Variants in LARGE1 observed in about 807,000 individuals in gnomAD.
The protein encoded by LARGE1 is LARGE xylosyl- and glucuronyltransferase 1, also known as xylosyl- and glucuronyltransferase LARGE1.
A neutral mutation model predicts 87.6 loss-of-function variants in LARGE1; 43 were observed. The ratio of observed to expected loss-of-function variants is 0.49; its 90% CI spans 0.38 to 0.63. LARGE1 has a LOEUF of 0.63. LARGE1 is among the 30% of genes least tolerant of loss of function. The probability of loss-of-function intolerance (pLI) is 0.00; values close to 1 mark genes in which losing one functional copy is unlikely to be tolerated. For missense variants in LARGE1, 802 were observed against 1,000.2 expected, an observed-to-expected ratio of 0.80 and a Z score of 2.67; for synonymous variants, 434 against 394.6, an observed-to-expected ratio of 1.10 and a Z score of -1.18.
intron 11 of LARGE1, among the ~76,000 whole-genome samples, chr22:33,197,306 C>T (rs972621707): frequency 1.3e-5 from 2 of 151,870 alleles, no homozygotes; most frequent in African/African-American, 4.8e-5. Context: ...GGCAAAGATA[C>T]ATAAAATAAA....
intron 6 of LARGE1, among the ~76,000 whole-genome samples, chr22:33,553,641 A>G (rs190999769): frequency 2.0e-5 from 3 of 152,256 alleles, no homozygotes; most frequent in Non-Finnish European, 2.9e-5. Context: ...CGTTACCCTC[A>G]CGCCAATACC....
chr22:33,419,191 C>G (rs1001487096), intron 7 of LARGE1, among the ~76,000 whole-genome samples: 1 of 151,984 alleles, frequency 6.6e-6, no homozygotes, highest in African/African-American at 2.4e-5. Context: ...CCTTAAAAAA[C>G]CTCAGATCTC....
intron 1 of LARGE1, among the ~76,000 whole-genome samples, chr22:33,859,183 G>A (rs927399284): frequency 2.0e-5 from 3 of 152,006 alleles, no homozygotes; most frequent in Non-Finnish European, 2.9e-5. Flanking sequence ...AGAACTTAAA[G>A]TATAATTAAA....
intron 1 of LARGE1, among the ~76,000 whole-genome samples, chr22:33,792,007 T>C (rs1485890506): frequency 2.6e-5 from 4 of 152,180 alleles, no homozygotes; most frequent in Non-Finnish European, 4.4e-5. Context: ...CTTTTCTATG[T>C]GAGAAATAGA....
chr22:33,100,927 A>G, the LARGE1 span, among the ~76,000 whole-genome samples: 2 of 148,244 alleles, frequency 1.3e-5, no homozygotes, highest in African/African-American at 5.0e-5. Context: ...GCCACCTGGG[A>G]GGCAGACTCC....
At chr22:33,734,135 G>T in intron 2 of LARGE1, among the ~76,000 whole-genome samples, 1 of 152,126 alleles carries the variant, frequency 6.6e-6, no homozygotes, top group East Asian at 1.9e-4. Context: ...ATGTCATTCT[G>T]TGTCCAAATT....
At chr22:33,319,191 T>C (rs546830336) in intron 10 of LARGE1, among the ~76,000 whole-genome samples, 4 of 152,318 alleles carry the variant, frequency 2.6e-5, no homozygotes, top group South Asian at 2.1e-4. Context: ...AGAATCATGA[T>C]GTATTTTTGT....
At chr22:33,484,536 A>G (rs1483398849) in intron 6 of LARGE1, among the ~76,000 whole-genome samples, 1 of 152,206 alleles carries the variant, frequency 6.6e-6, no homozygotes, top group Non-Finnish European at 1.5e-5. Context: ...AAGGCTTTGA[A>G]GGGCTGTGAC....
At chr22:33,432,316 T>C (rs752636715) in intron 6 of LARGE1, 51 bp from the exon 7 acceptor site, 4 of 1,356,294 alleles carry the variant, frequency 2.9e-6, no homozygotes, top group Admixed American at 1.7e-5. Context: ...CCAAGCCATC[T>C]GGATCAGTGA....
intron 6 of LARGE1, among the ~76,000 whole-genome samples, chr22:33,484,534 G>A (rs2069480252): frequency 6.6e-6 from 1 of 152,206 alleles, no homozygotes; most frequent in Non-Finnish European, 1.5e-5. Flanking sequence ...AGAAGGCTTT[G>A]AAGGGCTGTG....
chr22:33,419,481 T>A (rs1218095386), intron 7 of LARGE1, among the ~76,000 whole-genome samples: 1 of 152,096 alleles, frequency 6.6e-6, no homozygotes, highest in Non-Finnish European at 1.5e-5. Context: ...CCGTCCTCTC[T>A]ATCTGGGATG....
chr22:33,230,680 T>C (rs1479117341), intron 11 of LARGE1, among the ~76,000 whole-genome samples: 1 of 136,712 alleles, frequency 7.3e-6, no homozygotes, highest in Non-Finnish European at 1.6e-5. Context: ...GACTGGCCCA[T>C]GGGGCCTTAA....
chr22:33,865,799 G>C (rs913917734), intron 1 of LARGE1, among the ~76,000 whole-genome samples: 4 of 122,710 alleles, frequency 3.3e-5, no homozygotes, highest in African/African-American at 9.3e-5. Context: ...AAAATACTCA[G>C]TATATAGTAA....
chr22:33,472,513 A>G (rs1055111416), intron 6 of LARGE1, among the ~76,000 whole-genome samples: 1 of 152,064 alleles, frequency 6.6e-6, no homozygotes, highest in African/African-American at 2.4e-5. Context: ...TGTTGTTGCT[A>G]TAATTAGAGG....
intron 4 of LARGE1, among the ~76,000 whole-genome samples, chr22:33,607,203 C>T (rs1043688715): frequency 1.3e-5 from 2 of 152,022 alleles, no homozygotes; most frequent in Non-Finnish European, 1.5e-5. Flanking sequence ...GGCTCATACC[C>T]GTAATCCTAG....
rs571404467 is a variant in LARGE1, at chr22:33,615,910, C to T, written c.491+10334G>A. Among the ~76,000 whole-genome samples, 17 of 152,138 alleles carry T rather than the reference C, an allele frequency of 1.1e-4. No homozygotes were observed. In the South Asian group the frequency reaches 2.7e-3, roughly 24 times the overall value. On this transcript the variant is annotated intron_variant, in intron 4 of 14. Transcript: ENST00000397394. ...GATATACAAATGGCCAACAAGCACACGAAAAGACATTCAATATCATTAATC... is the reference window on the plus strand; with the variant it reads ...GATATACAAATGGCCAACAAGCACATGAAAAGACATTCAATATCATTAATC...
At chr22:33,490,215 A>G (rs533351873) in intron 6 of LARGE1, among the ~76,000 whole-genome samples, 2 of 152,318 alleles carry the variant, frequency 1.3e-5, no homozygotes, top group South Asian at 4.1e-4. Context: ...CCAAGTTCAC[A>G]TTACTAAAGG....
At chr22:33,412,569 C>A (rs2066343025) in intron 7 of LARGE1, among the ~76,000 whole-genome samples, 1 of 152,144 alleles carries the variant, frequency 6.6e-6, no homozygotes, top group Non-Finnish European at 1.5e-5. Flanking sequence ...TAGGAATTAA[C>A]AAGTTTTAAG....
At chr22:33,874,552 G>C (rs1421850186) in intron 1 of LARGE1, among the ~76,000 whole-genome samples, 2 of 152,156 alleles carry the variant, frequency 1.3e-5, no homozygotes, top group Non-Finnish European at 2.9e-5. Context: ...TGCTTTTACT[G>C]GAAATGTTAG....
Sources: allele counts gnomAD v4.1 joint callset (sites outside exome capture counted in the v4.1 genomes callset), GRCh38; gene constraint gnomAD v4.1.1; transcripts MANE v1.5; gene names NCBI Gene and HGNC (gene_info 2026-07-23, HGNC 2026-07-21).